The following TEC variants were observed in gnomAD, a reference collection of about 807,000 sequenced individuals.
The protein encoded by TEC is tec protein tyrosine kinase, also known as tyrosine-protein kinase Tec.
A neutral mutation model predicts 93.0 loss-of-function variants in TEC; 72 were observed. The ratio of observed to expected loss-of-function variants is 0.77; its 90% CI spans 0.64 to 0.94. TEC has a LOEUF of 0.94. TEC is among the 40% of genes least tolerant of loss of function. The pLI is 0.00. For synonymous variants in TEC, 249 were observed against 247.7 expected, an observed-to-expected ratio of 1.01 and a Z score of -0.05; for missense variants, 630 against 757.9, an observed-to-expected ratio of 0.83 and a Z score of 1.98.
intron 2 of TEC, among the ~76,000 whole-genome samples, chr4:48,226,638 T>C (rs1302750417): frequency 2.6e-5 from 4 of 152,138 alleles, no homozygotes; most frequent in Non-Finnish European, 5.9e-5. Flanking sequence ...ACATACCAAA[T>C]ATGTGGTAAC....
intron 7 of TEC, among the ~76,000 whole-genome samples, chr4:48,164,935 G>A (rs1378284180): frequency 1.3e-5 from 2 of 152,004 alleles, no homozygotes; most frequent in South Asian, 2.1e-4. Context: ...CCTAGGAGGC[G>A]GAGGTTGAAA....
chr4:48,194,968 A>G (rs551318730), intron 2 of TEC, among the ~76,000 whole-genome samples: 1 of 152,186 alleles, frequency 6.6e-6, no homozygotes, highest in Non-Finnish European at 1.5e-5. Flanking sequence ...CTGTAGATAA[A>G]ATTATTTTTA....
In TEC at chr4:48,149,649, G is replaced by A; in HGVS notation, c.914C>T (p.Thr305Ile). The A allele has an allele frequency of 6.2e-7, 1 of 1,612,018 alleles. No homozygotes were observed. Among genetic ancestry groups the A allele is most frequent in the Non-Finnish European group, 8.5e-7 (1 of 1,179,282 alleles). ...SGFRHYHIKE[T>I]TTSPKKYYLA... ...GTAATACTTCTTTGGAGATGTTGTT[G>A]TTTCCTTTATATGATAATGCCTAAA... The change falls in exon 11 of 18, where the codon ACA becomes ATA. Residue 305 changes from threonine (T) to isoleucine (I), a missense_variant. Transcript: ENST00000381501.
chr4:48,249,147 A>G (rs1028805280), intron 1 of TEC, among the ~76,000 whole-genome samples: 2 of 152,224 alleles, frequency 1.3e-5, no homozygotes, highest in African/African-American at 4.8e-5. Flanking sequence ...ATAATGAAAG[A>G]TATTACAAAA....
At chr4:48,163,962 A>T (rs1406561362) in intron 7 of TEC, among the ~76,000 whole-genome samples, 195 bp from the exon 8 acceptor site, 1 of 152,238 alleles carries the variant, frequency 6.6e-6, no homozygotes, top group Non-Finnish European at 1.5e-5. Context: ...TGGTCTCCAT[A>T]AAAATTCTGC....
intron 2 of TEC, among the ~76,000 whole-genome samples, chr4:48,225,822 A>G (rs1344872078): frequency 6.6e-6 from 1 of 151,954 alleles, no homozygotes; most frequent in Admixed American, 6.6e-5. Context: ...ATGTTGGTCC[A>G]TGAGAGAAGA....
At chr4:48,206,080 GT>G (rs1722704479) in intron 2 of TEC, among the ~76,000 whole-genome samples, 1 of 152,102 alleles carries the variant, frequency 6.6e-6, no homozygotes, top group African/African-American at 2.4e-5. Flanking sequence ...AGACACAAAA[GT>G]AACATATTGT....
At chr4:48,139,576 C>A (rs1203660181) in intron 15 of TEC, among the ~76,000 whole-genome samples, 1 of 152,110 alleles carries the variant, frequency 6.6e-6, no homozygotes, top group African/African-American at 2.4e-5. Flanking sequence ...ACATAACATC[C>A]CCACATACAT....
chr4:48,138,118 G>C (rs1400873894), intron 17 of TEC, among the ~76,000 whole-genome samples: 3 of 152,130 alleles, frequency 2.0e-5, no homozygotes, highest in Non-Finnish European at 4.4e-5. Context: ...TCTACAGAGT[G>C]GCTACAGTCA....
intron 15 of TEC, 143 bp from the exon 16 acceptor site, chr4:48,139,165 C>A: frequency 2.9e-6 from 2 of 682,436 alleles, no homozygotes; most frequent in Admixed American, 2.6e-5. Context: ...ATGTTCACCT[C>A]AGTGGCCACA....
intron 2 of TEC, among the ~76,000 whole-genome samples, chr4:48,227,141 G>T (rs771454155): frequency 1.3e-5 from 2 of 152,112 alleles, no homozygotes; most frequent in Non-Finnish European, 2.9e-5. Context: ...AAGGATAAAG[G>T]AGTATGCTCC....
intron 1 of TEC, among the ~76,000 whole-genome samples, chr4:48,252,029 A>T (rs1057464785): frequency 6.6e-6 from 1 of 152,210 alleles, no homozygotes; most frequent in Admixed American, 6.5e-5. Flanking sequence ...CTAAAGCAGA[A>T]AAAACATTTC....
At chr4:48,157,611 G>A (rs1157059664) in intron 8 of TEC, among the ~76,000 whole-genome samples, 1 of 150,036 alleles carries the variant, frequency 6.7e-6, no homozygotes, top group African/African-American at 2.5e-5. Context: ...CACCTCCCAG[G>A]TTCAAGCAAT....
intron 2 of TEC, among the ~76,000 whole-genome samples, chr4:48,186,234 TG>T (rs1366043682): frequency 1.3e-5 from 2 of 152,196 alleles, no homozygotes. Context: ...CCGCCTGCCT[TG>T]GCCTCCCAAA....
chr4:48,153,078 C>A (rs1224026092), intron 9 of TEC, among the ~76,000 whole-genome samples: 1 of 151,916 alleles, frequency 6.6e-6, no homozygotes, highest in Non-Finnish European at 1.5e-5. Flanking sequence ...TACATTTTAC[C>A]CTTTCATTTT....
At chr4:48,214,055 T>C (rs1002927510) in intron 2 of TEC, among the ~76,000 whole-genome samples, 18 of 152,178 alleles carry the variant, frequency 1.2e-4, no homozygotes, top group Non-Finnish European at 1.3e-4. Context: ...TTAAAGATCT[T>C]TTTGCTTACT....
intron 2 of TEC, among the ~76,000 whole-genome samples, chr4:48,212,110 A>AAATATATATATATATATATAT: frequency 8.2e-6 from 1 of 122,264 alleles, no homozygotes; most frequent in East Asian, 2.3e-4. Flanking sequence ...AAAAAAAAAA[A>AAATATATATATATATATATAT]ATATATATAT....
intron 1 of TEC, among the ~76,000 whole-genome samples, chr4:48,236,829 G>A (rs1723799079): frequency 1.3e-5 from 2 of 152,122 alleles, no homozygotes; most frequent in Admixed American, 6.6e-5. Context: ...CTGAATATCT[G>A]ACTAATACTC....
chr4:48,209,199 T>A (rs563991391), intron 2 of TEC, among the ~76,000 whole-genome samples: 67 of 152,334 alleles, frequency 4.4e-4, no homozygotes, highest in African/African-American at 1.3e-3. Context: ...TAATTTTTTT[T>A]AATTTTTTTC....
Sources: allele counts gnomAD v4.1 joint callset (sites outside exome capture counted in the v4.1 genomes callset), GRCh38; gene constraint gnomAD v4.1.1; transcripts MANE v1.5; gene names NCBI Gene and HGNC (gene_info 2026-07-23, HGNC 2026-07-21).